Variants in LARP1B observed in about 807,000 individuals in gnomAD.
LARP1B encodes La ribonucleoprotein 1B, also known as la-related protein 1B.
A neutral mutation model predicts 114.2 loss-of-function variants in LARP1B; 76 were observed. That is an observed-to-expected ratio of 0.67 (90% CI 0.55 to 0.81). The LOEUF (loss-of-function observed/expected upper bound fraction) is 0.81, where lower values mean the gene tolerates loss of function less well. Ranked by LOEUF, LARP1B falls within the 30% of genes least tolerant of loss-of-function variation. The pLI, the probability that LARP1B is intolerant of heterozygous loss-of-function variation, is 0.00. For missense variants in LARP1B, 1,014 were observed against 1,075.8 expected, an observed-to-expected ratio of 0.94 and a Z score of 0.80; for synonymous variants, 345 against 348.0, an observed-to-expected ratio of 0.99 and a Z score of 0.10.
chr4:128,153,794 T>G (rs572918664), intron 11 of LARP1B, among the ~76,000 whole-genome samples: 1 of 152,308 alleles, frequency 6.6e-6, no homozygotes, highest in South Asian at 2.1e-4. Context: ...TACTAAATTC[T>G]CCAGTTATTT....
At chr4:128,087,118 C>T (rs895040027) in intron 5 of LARP1B, among the ~76,000 whole-genome samples, 12 of 151,998 alleles carry the variant, frequency 7.9e-5, no homozygotes, top group Non-Finnish European at 1.6e-4. Context: ...CAGGGTTTCA[C>T]CATTTTGGGC....
intron 5 of LARP1B, among the ~76,000 whole-genome samples, 183 bp from the exon 6 acceptor site, chr4:128,090,818 A>G (rs1348942394): frequency 6.6e-6 from 1 of 152,100 alleles, no homozygotes; most frequent in Non-Finnish European, 1.5e-5. Context: ...GCTCTGTTTT[A>G]TGCTAGAGAT....
chr4:128,082,266 A>G lies in LARP1B; in HGVS notation c.319A>G (p.Asn107Asp). 1 of 1,614,028 alleles carries G rather than the reference A, an allele frequency of 6.2e-7. No homozygotes were observed. Among genetic ancestry groups the G allele is most frequent in the Non-Finnish European group, 8.5e-7 (1 of 1,179,978 alleles). The change falls in exon 5 of 20, where the codon AAT (asparagine) becomes GAT (aspartate). Residue 107 changes from asparagine (N) to aspartate (D), a missense_variant. Coordinates refer to ENST00000326639, the MANE Select transcript of LARP1B (RefSeq NM_018078.4). ...RNSSRCQPEA[N>D]KPTHNNRRND... Reference sequence around the variant, plus strand: ...CAGCTCAAGATGTCAACCTGAAGCAAATAAACCAACACATAACAATAGGAG... The same window carrying G: ...CAGCTCAAGATGTCAACCTGAAGCAGATAAACCAACACATAACAATAGGAG...
intron 11 of LARP1B, among the ~76,000 whole-genome samples, chr4:128,159,738 C>T (rs1737558247): frequency 6.6e-6 from 1 of 152,094 alleles, no homozygotes; most frequent in Non-Finnish European, 1.5e-5. Flanking sequence ...TGTAGATCAA[C>T]AGGAACTTTA....
chr4:128,097,398 C>T (rs1200012081), intron 7 of LARP1B, among the ~76,000 whole-genome samples: 1 of 151,928 alleles, frequency 6.6e-6, no homozygotes, highest in Non-Finnish European at 1.5e-5. Context: ...ATGTTTGCTG[C>T]CCGGGTTCAA....
chr4:128,096,236 G>T (rs961546412), intron 7 of LARP1B, among the ~76,000 whole-genome samples: 4 of 151,948 alleles, frequency 2.6e-5, no homozygotes, highest in South Asian at 4.2e-4. Flanking sequence ...CTCGTGATCC[G>T]CCCGCCTCGG....
intron 10 of LARP1B, among the ~76,000 whole-genome samples, chr4:128,117,890 AGGT>A (rs2149951424): frequency 6.8e-6 from 1 of 147,322 alleles, no homozygotes; most frequent in East Asian, 2.0e-4. Flanking sequence ...GCTTTGGTGT[AGGT>A]CTAATTTTAA....
chr4:128,135,173 T>C (rs888640713), intron 11 of LARP1B, among the ~76,000 whole-genome samples: 1 of 151,586 alleles, frequency 6.6e-6, no homozygotes, highest in African/African-American at 2.4e-5. Context: ...GAAAAGATGC[T>C]CGAAGTCACT....
At chr4:128,121,308 A>G (rs1348834664) in intron 10 of LARP1B, among the ~76,000 whole-genome samples, 6 of 152,044 alleles carry the variant, frequency 3.9e-5, no homozygotes, top group Non-Finnish European at 5.9e-5. Flanking sequence ...CTATCTGTCT[A>G]TCTATCTATC....
chr4:128,098,682 G>T (rs950945525), intron 8 of LARP1B, among the ~76,000 whole-genome samples: 2 of 137,528 alleles, frequency 1.5e-5, no homozygotes, highest in African/African-American at 5.4e-5. Flanking sequence ...AGAGTACAAC[G>T]GCGCAATCAA....
At chr4:128,138,818 A>G (rs1289695366) in intron 11 of LARP1B, among the ~76,000 whole-genome samples, 1 of 152,110 alleles carries the variant, frequency 6.6e-6, no homozygotes, top group Non-Finnish European at 1.5e-5. Context: ...TTAGCCAGGC[A>G]TGGTGGTAGG....
chr4:128,205,144 C>T (rs764537300), intron 17 of LARP1B, among the ~76,000 whole-genome samples: 4 of 152,170 alleles, frequency 2.6e-5, no homozygotes, highest in Non-Finnish European at 5.9e-5. Context: ...GTGTAGTTGG[C>T]AGTCCTGCAT....
At chr4:128,221,642 ACACAAACATTAT>A (rs1431130841) in intron 7 of LARP1B, among the ~76,000 whole-genome samples, 1 of 152,176 alleles carries the variant, frequency 6.6e-6, no homozygotes, top group Non-Finnish European at 1.5e-5. Flanking sequence ...TTTTATTGTA[ACACAAACATTAT>A]CACAGTACTG....
chr4:128,213,189 C>G (rs575196045), downstream of LARP1B, among the ~76,000 whole-genome samples: 8 of 152,226 alleles, frequency 5.3e-5, no homozygotes, highest in East Asian at 1.4e-3. Flanking sequence ...GCTGGGATTA[C>G]AGGTGTGAGC....
intron 11 of LARP1B, among the ~76,000 whole-genome samples, chr4:128,148,497 A>G (rs967073593): frequency 2.0e-5 from 3 of 152,120 alleles, no homozygotes; most frequent in African/African-American, 7.2e-5. Flanking sequence ...TTTATAAAAT[A>G]AAGTATTGAA....
chr4:128,066,168 T>TC (rs1762757974), intron 1 of LARP1B, among the ~76,000 whole-genome samples: 1 of 139,040 alleles, frequency 7.2e-6, no homozygotes, highest in South Asian at 2.4e-4. Context: ...CTTTCTTCTT[T>TC]TTTTTTTTTT....
chr4:128,110,757 T>G, intron 9 of LARP1B, among the ~76,000 whole-genome samples: 1 of 151,348 alleles, frequency 6.6e-6, no homozygotes, highest in Non-Finnish European at 1.5e-5. Flanking sequence ...TTTACGAGTC[T>G]TATTCTAAGA....
At chr4:128,160,912 A>C (rs889720996) in intron 11 of LARP1B, among the ~76,000 whole-genome samples, 1 of 152,212 alleles carries the variant, frequency 6.6e-6, no homozygotes, top group East Asian at 1.9e-4. Context: ...GAAGGAAAAG[A>C]TTCTTTTGTT....
At chr4:128,202,138 A>G (rs1756160188) in intron 17 of LARP1B, among the ~76,000 whole-genome samples, 1 of 152,188 alleles carries the variant, frequency 6.6e-6, no homozygotes, top group South Asian at 2.1e-4. Flanking sequence ...TGATATCTCT[A>G]ATCAATCCCA....
Sources: allele counts gnomAD v4.1 joint callset (sites outside exome capture counted in the v4.1 genomes callset), GRCh38; gene constraint gnomAD v4.1.1; transcripts MANE v1.5; gene names NCBI Gene and HGNC (gene_info 2026-07-23, HGNC 2026-07-21).